ARPC4: variants seen among roughly 807,000 people sequenced by gnomAD.
ARPC4 encodes actin-related protein 2/3 complex subunit 4.
A neutral mutation model predicts 22.8 loss-of-function variants in ARPC4; 3 were observed. That is an observed-to-expected ratio of 0.13 (90% CI 0.06 to 0.34). The LOEUF (loss-of-function observed/expected upper bound fraction) is 0.34. Among genes scored for constraint, ARPC4 ranks in the 10% least tolerant of loss-of-function variants. ARPC4 has a pLI of 1.00. For synonymous variants in ARPC4, 80 were observed against 72.5 expected, an observed-to-expected ratio of 1.10 and a Z score of -0.52; for missense variants, 98 against 211.0, an observed-to-expected ratio of 0.46 and a Z score of 3.32.
At chr3:9,793,281 G>A in intron 1 of ARPC4, 157 bp downstream of exon 1, 1 of 1,369,742 alleles carries the variant, frequency 7.3e-7, no homozygotes, top group Non-Finnish European at 9.6e-7. Context: ...CGGGGCGGGG[G>A]CCCGAGGTGA....
At position 9,796,940 on chromosome 3, in the gene ARPC4, C is replaced by CAAAAA. The variant is rs374104136; in HGVS notation, c.4-704_4-700dup. The stretch of plus-strand genomic sequence containing the variant: ...TGGGCAACAGAGCGAGACTCTGTCT[C>CAAAAA]AAAAAAAAAAAAAAAAAAAGAATGT... On this transcript the variant is annotated intron_variant, in intron 1 of 5. Transcript: ENST00000397261. Among the ~76,000 whole-genome samples the CAAAAA allele has an allele frequency of 7.8e-5, 9 of 114,672 alleles. 1 individual carries two copies. The highest frequency in any genetic ancestry group is 4.9e-4 in the East Asian group (2 of 4,088). The allele number at this position is 114,672 out of a possible 152,430, so 75.2% of individuals were successfully genotyped here.
At chr3:9,795,592 T>C (rs1270452331) in intron 1 of ARPC4, among the ~76,000 whole-genome samples, 2 of 152,208 alleles carry the variant, frequency 1.3e-5, no homozygotes, top group African/African-American at 4.8e-5. Flanking sequence ...ACAGAAACAT[T>C]GTACTCATTA....
intron 2 of ARPC4, among the ~76,000 whole-genome samples, chr3:9,799,506 G>T (rs1436659919): frequency 6.6e-6 from 1 of 150,808 alleles, no homozygotes; most frequent in Non-Finnish European, 1.5e-5. Flanking sequence ...ACAGTGGTAT[G>T]ATCTTGGCTC....
chr3:9,798,690 A>G (rs1051869275), intron 2 of ARPC4, among the ~76,000 whole-genome samples: 2 of 152,126 alleles, frequency 1.3e-5, no homozygotes, highest in African/African-American at 2.4e-5. Flanking sequence ...CCTGGCCAAC[A>G]TGGTGAAACC....
intron 2 of ARPC4, among the ~76,000 whole-genome samples, chr3:9,799,077 C>G (rs184569967): frequency 3.3e-5 from 5 of 152,280 alleles, no homozygotes; most frequent in Admixed American, 6.5e-5. Context: ...AGTTTAGAGA[C>G]ACCACACCAC....
chr3:9,793,004 T>G, upstream of ARPC4: 1 of 1,513,150 alleles, frequency 6.6e-7, no homozygotes, highest in Non-Finnish European at 8.8e-7. Context: ...GCTCGGAGCA[T>G]AGATGGTACC....
upstream of ARPC4, chr3:9,792,867 A>G (rs1447878393): frequency 7.3e-7 from 1 of 1,375,066 alleles, no homozygotes; most frequent in Non-Finnish European, 9.3e-7. Flanking sequence ...GAAGGCACAA[A>G]GGGAAGCTGC....
intron 1 of ARPC4, among the ~76,000 whole-genome samples, chr3:9,796,903 C>T (rs961475552): frequency 4.8e-5 from 7 of 144,530 alleles, no homozygotes; most frequent in African/African-American, 1.0e-4. Flanking sequence ...ATCGTGCCAC[C>T]GCGCTCCAGC....
chr3:9,801,793 G>C, intron 4 of ARPC4, 37 bp downstream of exon 4: 3 of 1,555,188 alleles, frequency 1.9e-6, no homozygotes, highest in Non-Finnish European at 2.6e-6. Context: ...CGATACCCAG[G>C]ACCCTGTTAC....
At chr3:9,795,917 G>A (rs545084790) in intron 1 of ARPC4, among the ~76,000 whole-genome samples, 10 of 152,236 alleles carry the variant, frequency 6.6e-5, no homozygotes, top group East Asian at 5.8e-4. Context: ...CCAACATGGC[G>A]AAACCCCATC....
chr3:9,794,044 G>T (rs1203014008), intron 1 of ARPC4, among the ~76,000 whole-genome samples: 1 of 151,964 alleles, frequency 6.6e-6, no homozygotes, highest in African/African-American at 2.4e-5. Flanking sequence ...GTGACCTCAT[G>T]TCTCTGCTAA....
chr3:9,797,604 T>C, intron 1 of ARPC4, 55 bp from the exon 2 acceptor site: 1 of 1,577,148 alleles, frequency 6.3e-7, no homozygotes, highest in South Asian at 1.1e-5. Flanking sequence ...AGGGGATCGG[T>C]GGGTTTGGCG....
chr3:9,805,869 T>C (rs1351928658), intron 5 of ARPC4, among the ~76,000 whole-genome samples: 1 of 152,206 alleles, frequency 6.6e-6, no homozygotes, highest in Admixed American at 6.5e-5. Context: ...GCCCCTTGCA[T>C]GAGAGCCCCC....
At chr3:9,805,442 G>T (rs1247523234) in intron 5 of ARPC4, among the ~76,000 whole-genome samples, 5 of 152,214 alleles carry the variant, frequency 3.3e-5, no homozygotes, top group Admixed American at 1.3e-4. Context: ...ACAAATTCAG[G>T]TGCATCCAAA....
chr3:9,802,984 C>T (rs989613839), intron 4 of ARPC4, among the ~76,000 whole-genome samples: 3 of 151,082 alleles, frequency 2.0e-5, no homozygotes, highest in East Asian at 1.9e-4. Context: ...CCTGGGTTCA[C>T]GCCATTCTTC....
chr3:9,799,562 C>T (rs541108242), intron 2 of ARPC4, among the ~76,000 whole-genome samples: 1 of 152,140 alleles, frequency 6.6e-6, no homozygotes, highest in South Asian at 2.1e-4. Context: ...CGTGCTTCAG[C>T]CTCCTGAGTA....
intron 3 of ARPC4, among the ~76,000 whole-genome samples, chr3:9,800,560 G>A (rs983124513): frequency 2.6e-5 from 4 of 152,144 alleles, no homozygotes; most frequent in African/African-American, 9.7e-5. Flanking sequence ...AAGTAGCTGG[G>A]ATTACAGGCA....
At chr3:9,802,821 G>A (rs936821803) in intron 4 of ARPC4, among the ~76,000 whole-genome samples, 1 of 150,650 alleles carries the variant, frequency 6.6e-6, no homozygotes, top group South Asian at 2.1e-4. Flanking sequence ...TTATAGGCAC[G>A]CATGTGCTAC....
At chr3:9,794,774 A>G (rs767875408) in intron 1 of ARPC4, among the ~76,000 whole-genome samples, 3 of 152,162 alleles carry the variant, frequency 2.0e-5, no homozygotes, top group Admixed American at 6.5e-5. Flanking sequence ...CCCTTTTGTA[A>G]TCAGTCCTCT....
Sources: allele counts gnomAD v4.1 joint callset (sites outside exome capture counted in the v4.1 genomes callset), GRCh38; gene constraint gnomAD v4.1.1; transcripts MANE v1.5; gene names NCBI Gene and HGNC (gene_info 2026-07-23, HGNC 2026-07-21).